BCAN: variants seen among roughly 807,000 people sequenced by gnomAD.
The protein encoded by BCAN is brevican core protein.
BCAN carries 51 observed loss-of-function variants against 92.4 expected under a neutral mutation model. The ratio of observed to expected loss-of-function variants is 0.55; its 90% CI spans 0.44 to 0.70. BCAN has a LOEUF of 0.70. BCAN is among the 30% of genes least tolerant of loss of function. BCAN has a pLI of 0.00. For synonymous variants in BCAN, 501 were observed against 505.2 expected (o/e 0.99, Z 0.11); for missense variants, 1,140 against 1,212.1 (o/e 0.94, Z 0.88).
At chr1:156,651,794 C>G (rs2102564550) in intron 7 of BCAN, 105 bp downstream of exon 7, 2 of 1,051,714 alleles carry the variant, frequency 1.9e-6, no homozygotes, top group South Asian at 1.5e-5. Flanking sequence ...TGACTCTGCC[C>G]TGTCCTTTCT....
intron 6 of BCAN, chr1:156,649,941 G>C (rs1679107642): frequency 1.9e-6 from 1 of 518,984 alleles, no homozygotes; most frequent in East Asian, 5.4e-5. Flanking sequence ...CACAGCTTTT[G>C]CCATGGGAAC....
chr1:156,646,170 C>A, intron 2 of BCAN, 25 bp downstream of exon 2: 1 of 1,604,632 alleles, frequency 6.2e-7, no homozygotes, highest in Non-Finnish European at 8.5e-7. Context: ...TTGGGGTCAC[C>A]GTCTCTGTCT....
Position 156,658,946 on chromosome 1 carries a change from T to C in BCAN, c.2629-81T>C. On this transcript the variant is annotated intron_variant, in intron 13 of 13. Transcript: ENST00000329117. This position sits in a 1 kb window ranked among gnomAD's most constrained non-coding sequence, Gnocchi z 4.4. ...AGCCCCATTCTGGGCTCTTACGGGC[T>C]GAGCAAGAACATCAGAGGGCAGGCT... The C allele has an allele frequency of 7.1e-7, 1 of 1,406,252 alleles. No individual in the cohort carries two copies. 87.1% of individuals were successfully genotyped at this position (1,406,252 alleles called of 1,614,324 possible). A position where few individuals can be genotyped will look rare whatever the true frequency, so the allele number is the denominator to read the frequency against.
intron 8 of BCAN, among the ~76,000 whole-genome samples, chr1:156,654,345 C>A (rs1405448872): frequency 6.6e-6 from 1 of 152,152 alleles, no homozygotes; most frequent in Non-Finnish European, 1.5e-5. Context: ...TAGGTCCCTG[C>A]ACAACTGGCC....
chr1:156,652,491 T>A lies in BCAN; in HGVS notation c.1541T>A (p.Val514Asp). The change falls in exon 8 of 14, where the codon GTC (valine) becomes GAC (aspartate). Residue 514 changes from valine (V) to aspartate (D), a missense_variant. By Grantham distance (152) the Val-to-Asp change is radical. This residue lies in a region of BCAN where 825 missense variants were observed against 871.8 expected (regional missense o/e 0.95). Transcript: ENST00000329117. ...ESLSQAPARAVLQPGASPLPD... is the reference protein window; with the variant it reads ...ESLSQAPARADLQPGASPLPD... ...CTCTCCCAGGCGCCAGCAAGGGCAG[T>A]CCTGCAGCCTGGTGCATCACCACTT... 6.2e-7 allele frequency: 1 copy of A among 1,608,262 alleles called. No individual in the cohort carries two copies. The highest frequency in any genetic ancestry group is 8.5e-7 in the Non-Finnish European group (1 of 1,177,136).
chr1:156,656,807 T>C (rs1253780887), intron 9 of BCAN, 131 bp from the exon 10 acceptor site: 6 of 1,293,536 alleles, frequency 4.6e-6, no homozygotes, highest in Non-Finnish European at 5.3e-6. Flanking sequence ...ACTAGCTCTT[T>C]TGCACCGCCC....
In BCAN at chr1:156,648,679, G is replaced by C. The variant is rs1354220346; in HGVS notation, c.881G>C (p.Trp294Ser). 6.2e-7 allele frequency: 1 copy of C among 1,613,758 alleles called. No individual in the cohort carries two copies. Among genetic ancestry groups the C allele is most frequent in the East Asian group, 2.2e-5 (1 of 44,862 alleles). The change falls in exon 6 of 14, where the codon TGG becomes TCG. Residue 294 changes from tryptophan (W) to serine (S), a missense_variant. Physicochemically the swap from Trp to Ser is radical, Grantham distance 177 (BLOSUM62 -3). Around this residue, in one of 3 missense-constraint regions of BCAN, gnomAD observed 825 missense variants for 871.8 expected, o/e 0.95. Coordinates refer to ENST00000329117, the MANE Select transcript of BCAN (RefSeq NM_021948.5). Reference sequence around the variant, plus strand: ...ACCACGGGCCAACTGTATGCAGCCTGGGATGGTGGCCTGGACCACTGCAGC... The same window carrying C: ...ACCACGGGCCAACTGTATGCAGCCTCGGATGGTGGCCTGGACCACTGCAGC... The part of the protein sequence containing the change: ...IATTGQLYAA[W>S]DGGLDHCSPG...
At chr1:156,657,398 C>T (rs1679371926) in intron 10 of BCAN, 1 of 553,434 alleles carries the variant, frequency 1.8e-6, no homozygotes, top group Non-Finnish European at 3.2e-6. Context: ...CCTCCGTCGG[C>T]CTCCTCCAAC....
chr1:156,647,204 G>T lies in BCAN; in HGVS notation c.466+29G>T. 1.4e-6 allele frequency: 2 copies of T among 1,472,212 alleles called. No homozygotes were observed. The highest frequency in any genetic ancestry group is 2.3e-5 in the Admixed American group (1 of 43,952). 91.2% of individuals were successfully genotyped at this position (1,472,212 alleles called of 1,614,324 possible). A position where few individuals can be genotyped will look rare whatever the true frequency, so the allele number is the denominator to read the frequency against. On this transcript the variant is annotated intron_variant, in intron 3 of 13. Transcript: ENST00000329117. This position sits in a 1 kb window ranked among gnomAD's most constrained non-coding sequence, Gnocchi z 4.8. ...AGAGGGCAGGGAGGTTCCAGAGGGA[G>T]GGAGGGAGGGAGGGAAGGGAGGACT...
At chr1:156,649,319 C>G (rs561136429) in intron 6 of BCAN, among the ~76,000 whole-genome samples, 26 of 152,358 alleles carry the variant, frequency 1.7e-4, no homozygotes, top group African/African-American at 6.3e-4. Context: ...CTACCAAATA[C>G]TGGTGGATGG....
At chr1:156,645,324 G>A (rs576495263) in intron 1 of BCAN, among the ~76,000 whole-genome samples, 3 of 152,350 alleles carry the variant, frequency 2.0e-5, no homozygotes, top group East Asian at 3.9e-4. Context: ...CCCGTGCCAG[G>A]CAGAAAGGAG....
intron 9 of BCAN, 43 bp from the exon 10 acceptor site, chr1:156,656,895 C>G: frequency 6.3e-7 from 1 of 1,599,318 alleles, no homozygotes; most frequent in African/African-American, 1.3e-5. Flanking sequence ...ACCTGGCCCT[C>G]TGGGTTTTGG....
rs532008757 is a variant in BCAN, at chr1:156,657,466, C to T, written c.2210-209C>T. On this transcript the variant is annotated intron_variant, in intron 10 of 13. Transcript: ENST00000329117. ...TTTTTCCAAAACTCCCCTTTTCTAG[C>T]CTGGGTTGATATCTTCCTTATTCTC... 8.9e-6 allele frequency: 5 copies of T among 559,242 alleles called. No homozygotes were observed. In the Admixed American group the frequency reaches 1.4e-4, roughly 15 times the overall value. 34.6% of individuals were successfully genotyped at this position (559,242 alleles called of 1,614,324 possible).
chr1:156,656,506 T>C lies in BCAN; in HGVS notation c.2050+117T>C. 5.1e-6 allele frequency: 4 copies of C among 789,972 alleles called. No individual in the cohort carries two copies. The South Asian group carries it at 1.1e-4, about 21-fold the overall frequency. 48.9% of individuals were successfully genotyped at this position (789,972 alleles called of 1,614,324 possible). A position where few individuals can be genotyped will look rare whatever the true frequency, so the allele number is the denominator to read the frequency against. On this transcript the variant is annotated intron_variant, in intron 9 of 13. Transcript: ENST00000329117. ...CCTTGTCATTAATGAGTCCCTGTTT[T>C]AGGCAAGTTGCATAACTTCTTTGAG...
In BCAN at chr1:156,656,311, G is replaced by A. The variant is rs752000890; in HGVS notation, c.1972G>A (p.Gly658Ser). 6.9e-7 allele frequency: 1 copy of A among 1,450,420 alleles called. No homozygotes were observed. The allele number at this position is 1,450,420 out of a possible 1,614,324, so 89.8% of individuals were successfully genotyped here. Residue 658 changes from glycine to serine, a missense_variant, in exon 9 of 14, where the codon GGT becomes AGT. This residue lies in a region of BCAN where 825 missense variants were observed against 871.8 expected (regional missense o/e 0.95). Coordinates refer to ENST00000329117, the MANE Select transcript of BCAN (RefSeq NM_021948.5). ...GDCVPSPCHN[G>S]GTCLEEEEGV... ...CTGTGTCCCCAGCCCCTGCCACAAT[G>A]GTGGGACATGCTTGGAGGAGGAGGA...
chr1:156,648,003 G>T lies in BCAN; in HGVS notation c.662G>T (p.Arg221Leu), dbSNP rs1179135968. The change falls in exon 5 of 14, where the codon CGA becomes CTA. Residue 221 changes from arginine to leucine, a missense_variant. Transcript: ENST00000329117. ...CCTAGGTATCCCATCCAGACCCCAC[G>T]AGAGGCCTGTTACGGAGACATGGAT... Reference protein sequence around the residue: ...QTVRYPIQTPREACYGDMDGF... With the variant: ...QTVRYPIQTPLEACYGDMDGF... 1.2e-6 allele frequency: 2 copies of T among 1,613,868 alleles called. No individual in the cohort carries two copies. The highest frequency in any genetic ancestry group is 2.2e-5 in the South Asian group (2 of 91,076).
chr1:156,649,005 T>A, intron 6 of BCAN, 144 bp downstream of exon 6: 1 of 1,027,134 alleles, frequency 9.7e-7, no homozygotes, highest in Non-Finnish European at 1.4e-6. Flanking sequence ...GCTTGTCATC[T>A]AGGGTTCTAA....
At chr1:156,643,899 C>A (rs1447554567) in intron 1 of BCAN, 1 of 152,334 alleles carries the variant, frequency 6.6e-6, no homozygotes, top group East Asian at 1.9e-4. Flanking sequence ...AGAGGTGTGG[C>A]CTGCTCTGGA....
Position 156,656,658 on chromosome 1 carries a change from T to C in BCAN, c.2050+269T>C, listed in dbSNP as rs933045647. 1.7e-5 allele frequency: 9 copies of C among 524,776 alleles called. No homozygotes were observed. In the South Asian group the frequency reaches 1.9e-4, roughly 11 times the overall value. The allele number at this position is 524,776 out of a possible 1,614,324, so 32.5% of individuals were successfully genotyped here. A position where few individuals can be genotyped will look rare whatever the true frequency, so the allele number is the denominator to read the frequency against. ...CAATACATGACAGGCTCCATTCTCC[T>C]GGAGAGGAGAGCCACTGCTCGTTAG... is the stretch of plus-strand genomic sequence containing the variant. On this transcript the variant is annotated intron_variant, in intron 9 of 13. Coordinates refer to ENST00000329117, the MANE Select transcript of BCAN (RefSeq NM_021948.5).
Sources: gnomAD v4.1 joint callset for allele counts (sites outside exome capture counted in the v4.1 genomes callset) on GRCh38, gnomAD v4.1.1 for gene constraint, gnomAD v4.1.1 regional missense constraint, Gnocchi (gnomAD v3.1) non-coding constraint, MANE v1.5 for transcripts, NCBI Gene and HGNC (gene_info 2026-07-23, HGNC 2026-07-21) for gene names.